Variants in ATP13A5 observed in about 807,000 individuals in gnomAD.
ATP13A5 encodes probable cation-transporting ATPase 13A5.
Under a neutral mutation model 150.2 loss-of-function variants are expected in ATP13A5, and 149 were observed. The observed-to-expected ratio is 0.99, with a 90% CI of 0.87 to 1.14. The LOEUF is 1.14. ATP13A5 is among the 50% of genes most tolerant of loss of function. The pLI is 0.00. For missense variants in ATP13A5, 1,383 were observed against 1,449.3 expected, an observed-to-expected ratio of 0.95 and a Z score of 0.74; for synonymous variants, 497 against 522.2, an observed-to-expected ratio of 0.95 and a Z score of 0.66.
rs1274599134 is a variant in ATP13A5 at position 193,322,495 on chromosome 3, C to A, written c.1754G>T (p.Ser585Ile). The A allele has an allele frequency of 6.2e-7, 1 of 1,612,302 alleles. No homozygotes were observed. The highest frequency in any genetic ancestry group is 8.5e-7 in the Non-Finnish European group (1 of 1,178,460). ...ATGTAAAGAAGGAAATCATACCTTA[C>A]TGGCTTTTGGTCCTGGTTTTATGAT... is the stretch of plus-strand genomic sequence containing the variant. ...SNIIKPGPKA[S>I]KSPVEAIITL... is the part of the protein sequence containing the mutation. Residue 585 changes from serine to isoleucine, a missense_variant, in exon 15 of 30, where the codon AGT becomes ATT. Coordinates refer to ENST00000342358, the MANE Select transcript of ATP13A5 (RefSeq NM_198505.4).
At chr3:193,371,801 A>G (rs1713451930) in intron 1 of ATP13A5, among the ~76,000 whole-genome samples, 1 of 152,212 alleles carries the variant, frequency 6.6e-6, no homozygotes, top group African/African-American at 2.4e-5. Context: ...TGATTAGGTC[A>G]GGTGTACCCA....
chr3:193,326,237 G>A (rs1210365314), intron 13 of ATP13A5, among the ~76,000 whole-genome samples: 1 of 152,210 alleles, frequency 6.6e-6, no homozygotes. Flanking sequence ...GAGAAGGCAA[G>A]TCTTAGCCCA....
chr3:193,365,816 TACA>T (rs1348785398), intron 1 of ATP13A5, among the ~76,000 whole-genome samples: 1 of 152,064 alleles, frequency 6.6e-6, no homozygotes, highest in Admixed American at 6.6e-5. Flanking sequence ...TTCTCTTCTA[TACA>T]ATGTTTTTAA....
chr3:193,322,027 G>T (rs111745472), intron 15 of ATP13A5, among the ~76,000 whole-genome samples, 190 bp from the exon 16 acceptor site: 85 of 152,244 alleles, frequency 5.6e-4, no homozygotes, highest in African/African-American at 1.9e-3. Context: ...TGTCTGGACT[G>T]CAAGGACCTT....
At chr3:193,285,210 T>C in intron 26 of ATP13A5, 94 bp from the exon 27 acceptor site, 3 of 1,046,284 alleles carry the variant, frequency 2.9e-6, no homozygotes. Flanking sequence ...CATGGGATTT[T>C]AGCTTTCAAA....
At chr3:193,376,725 T>C (rs1713657934) in intron 1 of ATP13A5, among the ~76,000 whole-genome samples, 1 of 152,136 alleles carries the variant, frequency 6.6e-6, no homozygotes, top group Non-Finnish European at 1.5e-5. Context: ...GGCCCCAGTA[T>C]GTGTTGTTCC....
intron 9 of ATP13A5, among the ~76,000 whole-genome samples, chr3:193,336,154 T>G (rs75998801): frequency 8.8e-4 from 134 of 152,298 alleles, no homozygotes; most frequent in African/African-American, 3.1e-3. Flanking sequence ...AGGTCATAAC[T>G]GGGAACAAGA....
intron 1 of ATP13A5, among the ~76,000 whole-genome samples, chr3:193,371,338 G>T (rs1713431363): frequency 6.6e-6 from 1 of 152,186 alleles, no homozygotes; most frequent in South Asian, 2.1e-4. Flanking sequence ...GCTTTTCGTT[G>T]CCTTACAGGG....
chr3:193,368,737 G>A (rs188715152), intron 1 of ATP13A5, among the ~76,000 whole-genome samples: 1 of 152,176 alleles, frequency 6.6e-6, no homozygotes, highest in Non-Finnish European at 1.5e-5. Context: ...GAAAATAAAT[G>A]AGTACAATCC....
intron 1 of ATP13A5, among the ~76,000 whole-genome samples, chr3:193,365,761 T>C (rs1484537530): frequency 6.6e-6 from 1 of 152,118 alleles, no homozygotes; most frequent in African/African-American, 2.4e-5. Flanking sequence ...TGTTTATTTG[T>C]ATACAGTAAT....
In ATP13A5 at chr3:193,339,097, T is replaced by C. The variant is rs186731400; in HGVS notation, c.944-3998A>G. Among the ~76,000 whole-genome samples, 44 of 152,260 alleles carry C rather than the reference T, an allele frequency of 2.9e-4. 2 individuals carry two copies. In the East Asian group the frequency reaches 8.3e-3, roughly 29 times the overall value. On this transcript the variant is annotated intron_variant, in intron 9 of 29. Transcript: ENST00000342358. ...GTGGTGATATCCCCTTTATCATTTT[T>C]TATTGCATCTATTTTATTCTTCTCT...
At chr3:193,376,970 C>G (rs115743410) in intron 1 of ATP13A5, among the ~76,000 whole-genome samples, 1 of 152,130 alleles carries the variant, frequency 6.6e-6, no homozygotes, top group Non-Finnish European at 1.5e-5. Context: ...TACTTGGATT[C>G]CTAATAGACA....
At position 193,275,210 on chromosome 3, in the gene ATP13A5, C is replaced by T. The variant is rs771933944; in HGVS notation, c.3489G>A (p.Lys1163=). Residue 1163 remains lysine (K), a synonymous_variant, in exon 30 of 30, where the codon AAG becomes AAA. Coordinates refer to ENST00000342358, the MANE Select transcript of ATP13A5 (RefSeq NM_198505.4). ...GAGGCCAGGTTGAGTCTTCTGCTAG[C>T]TTCTTTTGCCAAGTCCTATATTGAC... ...SKSQYRTWQK[K]LAEDSTWPPI... 2 of 1,614,074 alleles carry T rather than the reference C, an allele frequency of 1.2e-6. No individual in the cohort carries two copies. The highest frequency in any genetic ancestry group is 1.3e-5 in the African/African-American group (1 of 74,924).
At chr3:193,373,533 C>A (rs1713526944) in intron 1 of ATP13A5, among the ~76,000 whole-genome samples, 1 of 11,748 alleles carries the variant, frequency 8.5e-5, no homozygotes, top group South Asian at 2.5e-3. Context: ...ACATCTTAAC[C>A]AGAAAAAAGA....
intron 28 of ATP13A5, chr3:193,277,677 T>A (rs1191369267): frequency 2.0e-5 from 3 of 152,190 alleles, no homozygotes; most frequent in Non-Finnish European, 4.4e-5. Context: ...CAGCAAATTG[T>A]AAAGGGTTGT....
intron 26 of ATP13A5, among the ~76,000 whole-genome samples, chr3:193,287,421 T>C (rs1228565672): frequency 2.6e-5 from 4 of 152,158 alleles, no homozygotes; most frequent in Admixed American, 2.6e-4. Context: ...TGACTTTAAG[T>C]TGATGCCAAT....
chr3:193,328,012 G>A (rs965849409), intron 12 of ATP13A5, among the ~76,000 whole-genome samples: 9 of 152,160 alleles, frequency 5.9e-5, no homozygotes, highest in East Asian at 1.9e-4. Flanking sequence ...GGCAACCTCC[G>A]TCATTATAGC....
intron 21 of ATP13A5, among the ~76,000 whole-genome samples, chr3:193,310,240 G>A (rs1052908003): frequency 1.3e-5 from 2 of 152,040 alleles, no homozygotes; most frequent in African/African-American, 4.8e-5. Context: ...TGGTGTGTAC[G>A]TACCACATTT....
At chr3:193,293,453 C>A (rs1412756232) in intron 25 of ATP13A5, among the ~76,000 whole-genome samples, 5 of 152,078 alleles carry the variant, frequency 3.3e-5, no homozygotes. Context: ...TGCATTAAAT[C>A]TAGTTGTTTA....
Sources: gnomAD v4.1 joint callset for allele counts (sites outside exome capture counted in the v4.1 genomes callset) on GRCh38, gnomAD v4.1.1 for gene constraint, MANE v1.5 for transcripts, NCBI Gene and HGNC (gene_info 2026-07-23, HGNC 2026-07-21) for gene names.